Variants in PAX2 observed in about 807,000 individuals in gnomAD.
The protein encoded by PAX2 is paired box 2, also known as paired box protein Pax-2.
Under a neutral mutation model 41.7 loss-of-function variants are expected in PAX2, and 9 were observed. The observed-to-expected ratio is 0.22, with a 90% CI of 0.13 to 0.38. The LOEUF is 0.38. PAX2 is among the 10% of genes least tolerant of loss of function. PAX2 has a pLI of 1.00. For missense variants in PAX2, 418 were observed against 531.6 expected (o/e 0.79, Z 2.10); for synonymous variants, 221 against 212.7 (o/e 1.04, Z -0.34).
intron 6 of PAX2, among the ~76,000 whole-genome samples, chr10:100,808,675 C>T (rs1359015264): frequency 6.6e-6 from 1 of 152,120 alleles, no homozygotes; most frequent in Non-Finnish European, 1.5e-5. Flanking sequence ...GGCGCCCATA[C>T]CCGATCAGCC....
chr10:100,788,905 C>A (rs1376162829), intron 5 of PAX2, among the ~76,000 whole-genome samples: 3 of 152,074 alleles, frequency 2.0e-5, no homozygotes, highest in African/African-American at 4.8e-5. Context: ...CCGACACACA[C>A]ACATGCACAC....
chr10:100,818,314 T>C (rs1341838365), intron 7 of PAX2, among the ~76,000 whole-genome samples: 1 of 152,238 alleles, frequency 6.6e-6, no homozygotes, highest in East Asian at 1.9e-4. Context: ...TCTGCTTCTT[T>C]CGTGGCTTCC....
intron 3 of PAX2, among the ~76,000 whole-genome samples, chr10:100,777,746 A>G (rs546349814): frequency 6.6e-6 from 1 of 152,316 alleles, no homozygotes; most frequent in South Asian, 2.1e-4. Context: ...TTTGGTTTTC[A>G]ATTTGCAAAA....
In PAX2 at chr10:100,827,264, C is replaced by T. The variant is rs1390252402; in HGVS notation, c.1108+169C>T. 6.6e-6 allele frequency among the ~76,000 whole-genome samples: 1 copy of T among 152,134 alleles called. No homozygotes were observed. Among genetic ancestry groups the T allele is most frequent in the African/African-American group, 2.4e-5 (1 of 41,442 alleles). Reference sequence around the variant, plus strand: ...CCTCGAGGACGCCCGCACCTCCTGCCCTCCCGTGCCCTCCCTGGTCGCTCG... The same window carrying T: ...CCTCGAGGACGCCCGCACCTCCTGCTCTCCCGTGCCCTCCCTGGTCGCTCG... On this transcript the variant is annotated intron_variant, in intron 9 of 9. Coordinates refer to ENST00000355243, the MANE Select transcript of PAX2 (RefSeq NM_000278.5). This position sits in a 1 kb window ranked among gnomAD's most constrained non-coding sequence, Gnocchi z 8.5.
At chr10:100,823,338 C>T (rs12254113) in intron 7 of PAX2, among the ~76,000 whole-genome samples, 2,669 of 152,202 alleles carry the variant, frequency 0.018, 96 homozygotes, top group African/African-American at 0.062. Flanking sequence ...AGCTGTAGCT[C>T]TGTATAGCTA....
rs201675154 is a variant in PAX2 at position 100,824,943 on chromosome 10, G to A, written c.1021+194G>A. ...CTCATCCTCCCTCATGAGCAAGCCGGGGAGGAAGCTTGCAGAAGTGCCCCC... is the reference window on the plus strand; with the variant it reads ...CTCATCCTCCCTCATGAGCAAGCCGAGGAGGAAGCTTGCAGAAGTGCCCCC... On this transcript the variant is annotated intron_variant, in intron 8 of 9. Transcript: ENST00000355243. The surrounding 1 kb of genome is among the most constrained non-coding windows in gnomAD (Gnocchi z 6.6). 1.2e-6 allele frequency: 2 copies of A among 1,614,106 alleles called. No homozygotes were observed. The highest frequency in any genetic ancestry group is 2.2e-5 in the East Asian group (1 of 44,878).
intron 1 of PAX2, among the ~76,000 whole-genome samples, chr10:100,737,405 G>C (rs1844808091): frequency 6.6e-6 from 1 of 152,264 alleles, no homozygotes; most frequent in Non-Finnish European, 1.5e-5. Flanking sequence ...TGACGGGTTA[G>C]GGCGGCCGCT....
intron 6 of PAX2, among the ~76,000 whole-genome samples, chr10:100,807,214 C>T (rs901616931): frequency 8.5e-5 from 13 of 152,128 alleles, no homozygotes; most frequent in African/African-American, 1.4e-4. Context: ...ACCAGCAAAA[C>T]GCACAACGCA....
At position 100,793,485 on chromosome 10, in the gene PAX2, T is replaced by A. The variant is rs1011193922; in HGVS notation, c.616+12120T>A. ...TCTTAATACATGGATCGCACACATC[T>A]AGGCTGGCTGTGACTTGGCAGTGGG... On this transcript the variant is annotated intron_variant, in intron 5 of 9. Transcript: ENST00000355243. Among the ~76,000 whole-genome samples the A allele has an allele frequency of 3.9e-5, 6 of 152,366 alleles. No homozygotes were observed. In the East Asian group the frequency reaches 1.2e-3, roughly 29 times the overall value.
chr10:100,818,958 G>A (rs1848282386), intron 7 of PAX2, among the ~76,000 whole-genome samples: 1 of 152,098 alleles, frequency 6.6e-6, no homozygotes, highest in Non-Finnish European at 1.5e-5. Context: ...TATAGAATGG[G>A]GATTAAAGGC....
intron 5 of PAX2, among the ~76,000 whole-genome samples, chr10:100,799,408 G>A (rs1417925987): frequency 6.6e-6 from 1 of 152,196 alleles, no homozygotes; most frequent in African/African-American, 2.4e-5. Flanking sequence ...TGAACTAACA[G>A]TATCACTTTT....
At chr10:100,746,369 G>A in intron 1 of PAX2, 66 bp downstream of exon 1, 1 of 1,139,508 alleles carries the variant, frequency 8.8e-7, no homozygotes, top group Non-Finnish European at 1.3e-6. Context: ...TCCAGTCCCA[G>A]CGTGGCCCCG....
chr10:100,761,325 C>T (rs1589825564), intron 3 of PAX2, among the ~76,000 whole-genome samples: 1 of 152,068 alleles, frequency 6.6e-6, no homozygotes, highest in East Asian at 1.9e-4. Flanking sequence ...CCTGCGCTCT[C>T]GACCCTCCGC....
intron 5 of PAX2, among the ~76,000 whole-genome samples, chr10:100,786,236 C>T (rs544380606): frequency 5.3e-5 from 8 of 152,320 alleles, no homozygotes; most frequent in African/African-American, 1.4e-4. Flanking sequence ...TCCTCACACC[C>T]GGGATTGGGA....
intron 4 of PAX2, among the ~76,000 whole-genome samples, chr10:100,780,508 G>A (rs1023722484): frequency 6.6e-6 from 1 of 151,848 alleles, no homozygotes; most frequent in Non-Finnish European, 1.5e-5. Flanking sequence ...AGGAGCTGTT[G>A]TTTACTAGGC....
chr10:100,803,792 G>A (rs1847654811), intron 5 of PAX2, among the ~76,000 whole-genome samples: 1 of 151,644 alleles, frequency 6.6e-6, no homozygotes, highest in African/African-American at 2.4e-5. Flanking sequence ...ACCTCTTCCA[G>A]TAGCAGGCTT....
chr10:100,805,543 G>C (rs1421389534), intron 5 of PAX2, among the ~76,000 whole-genome samples: 1 of 152,226 alleles, frequency 6.6e-6, no homozygotes, highest in African/African-American at 2.4e-5. Flanking sequence ...TGGGAGGCAA[G>C]GATAGGGGAG....
At chr10:100,738,320 G>A (rs993363104) in intron 1 of PAX2, among the ~76,000 whole-genome samples, 20 of 152,326 alleles carry the variant, frequency 1.3e-4, no homozygotes, top group Middle Eastern at 3.4e-3. Flanking sequence ...ATTGATTGGC[G>A]GCCCCGCTGG....
chr10:100,800,186 G>A (rs1440769598), intron 5 of PAX2, among the ~76,000 whole-genome samples: 1 of 151,772 alleles, frequency 6.6e-6, no homozygotes, highest in African/African-American at 2.4e-5. Context: ...CCCTGATTTT[G>A]TAGACTTTGA....
Sources: allele counts gnomAD v4.1 joint callset (sites outside exome capture counted in the v4.1 genomes callset), GRCh38; gene constraint gnomAD v4.1.1; non-coding constraint Gnocchi (gnomAD v3.1); transcripts MANE v1.5; gene names NCBI Gene and HGNC (gene_info 2026-07-23, HGNC 2026-07-21).